ADGRL2: variants seen among roughly 807,000 people sequenced by gnomAD.
ADGRL2 encodes adhesion G protein-coupled receptor L2.
In ADGRL2, 44 loss-of-function variants were observed where a neutral mutation model predicts 157.4. That is an observed-to-expected ratio of 0.28 (90% CI 0.22 to 0.36). The LOEUF (loss-of-function observed/expected upper bound fraction) is 0.36. Ranked by LOEUF, ADGRL2 falls within the 10% of genes least tolerant of loss-of-function variation. ADGRL2 has a pLI of 1.00. For synonymous variants in ADGRL2, 585 were observed against 624.7 expected (o/e 0.94, Z 0.95); for missense variants, 1,510 against 1,768.9 (o/e 0.85, Z 2.63).
rs377751876 is a variant in ADGRL2, at chr1:81,633,148, A to G, written c.-143+52168A>G. Among the ~76,000 whole-genome samples the G allele has an allele frequency of 2.0e-5, 3 of 152,176 alleles. No individual in the cohort carries two copies. The East Asian group carries it at 5.8e-4, about 29-fold the overall frequency. ...ATACAGAGAGAAACCGTGAGCTTTT[A>G]TATGGGCTGCATCTTTGTAAAATTC... On this transcript the variant is annotated intron_variant, in intron 3 of 24. Coordinates refer to the ADGRL2 transcript ENST00000370721.
intron 1 of ADGRL2, among the ~76,000 whole-genome samples, chr1:81,405,126 T>C (rs934137308): frequency 3.9e-5 from 6 of 152,194 alleles, no homozygotes; most frequent in Admixed American, 1.3e-4. Flanking sequence ...ATGACGGTGC[T>C]GTAATAGGCC....
intron 3 of ADGRL2, among the ~76,000 whole-genome samples, chr1:81,624,612 G>A (rs2081871118): frequency 6.6e-6 from 1 of 151,820 alleles, no homozygotes. Flanking sequence ...AAAACAAATA[G>A]AAGTATGAGA....
intron 3 of ADGRL2, among the ~76,000 whole-genome samples, chr1:81,921,484 T>G (rs532741930): frequency 2.0e-5 from 3 of 152,334 alleles, no homozygotes; most frequent in Admixed American, 6.5e-5. Flanking sequence ...TTATTTAATG[T>G]GCTTACTCTG....
chr1:81,936,504 T>A (rs1362240523), intron 3 of ADGRL2, among the ~76,000 whole-genome samples: 4 of 151,914 alleles, frequency 2.6e-5, no homozygotes, highest in African/African-American at 4.8e-5. Context: ...ATTTTTTTAC[T>A]TCTAGTTAAA....
chr1:81,645,570 G>A (rs138866482), intron 3 of ADGRL2, among the ~76,000 whole-genome samples: 300 of 152,070 alleles, frequency 2.0e-3, no homozygotes, highest in African/African-American at 7.0e-3. Flanking sequence ...GCATGTCCAT[G>A]CATATATGAA....
chr1:81,932,073 T>A (rs1211323097), intron 3 of ADGRL2, among the ~76,000 whole-genome samples: 1 of 152,204 alleles, frequency 6.6e-6, no homozygotes, highest in Non-Finnish European at 1.5e-5. Flanking sequence ...TTTGAATAAG[T>A]AAGTCAAAGA....
intron 3 of ADGRL2, among the ~76,000 whole-genome samples, chr1:81,628,033 G>T (rs1448668081): frequency 1.3e-5 from 2 of 152,132 alleles, no homozygotes; most frequent in East Asian, 3.9e-4. Context: ...ATTTTTTGGA[G>T]CTGCTCTTTC....
At chr1:81,412,049 A>G (rs1244810127) in intron 1 of ADGRL2, among the ~76,000 whole-genome samples, 1 of 152,156 alleles carries the variant, frequency 6.6e-6, no homozygotes, top group Non-Finnish European at 1.5e-5. Context: ...GTATTGAGAA[A>G]TTATTTCTAC....
chr1:81,417,518 C>T (rs577882915), intron 1 of ADGRL2, among the ~76,000 whole-genome samples: 2 of 152,200 alleles, frequency 1.3e-5, no homozygotes, highest in African/African-American at 4.8e-5. Flanking sequence ...TTTACTTCTA[C>T]CTTTTTGGAA....
At chr1:81,419,582 C>T (rs1232558350) in intron 1 of ADGRL2, among the ~76,000 whole-genome samples, 1 of 152,142 alleles carries the variant, frequency 6.6e-6, no homozygotes, top group African/African-American at 2.4e-5. Flanking sequence ...TGCCAAATGA[C>T]AAATCCAAAA....
At chr1:81,954,620 G>C (rs890198922) in intron 10 of ADGRL2, among the ~76,000 whole-genome samples, 5 of 152,182 alleles carry the variant, frequency 3.3e-5, no homozygotes, top group Admixed American at 6.5e-5. Context: ...TTCCACTCTA[G>C]TTAATGGCTG....
chr1:81,631,817 C>A (rs1315511252), intron 3 of ADGRL2, among the ~76,000 whole-genome samples: 3 of 151,948 alleles, frequency 2.0e-5, no homozygotes, highest in Admixed American at 6.6e-5. Context: ...CTGCCTGGAC[C>A]CCCACCAAAT....
intron 3 of ADGRL2, among the ~76,000 whole-genome samples, chr1:81,925,518 GT>G (rs2095083386): frequency 6.7e-6 from 1 of 149,500 alleles, no homozygotes; most frequent in East Asian, 2.0e-4. Flanking sequence ...TCCATAATTC[GT>G]TTTGTGTAAT....
At chr1:81,438,570 T>C (rs1320248505) in intron 1 of ADGRL2, among the ~76,000 whole-genome samples, 2 of 152,172 alleles carry the variant, frequency 1.3e-5, no homozygotes, top group Non-Finnish European at 2.9e-5. Flanking sequence ...ATACTAAATA[T>C]AGTATTTAAA....
chr1:81,804,747 A>C (rs779792931), intron 1 of ADGRL2, among the ~76,000 whole-genome samples: 1 of 152,210 alleles, frequency 6.6e-6, no homozygotes, highest in Non-Finnish European at 1.5e-5. Context: ...GAGAGTGAGA[A>C]AGCCTTTCCT....
At chr1:81,938,731 T>C (rs1197457469) in intron 4 of ADGRL2, among the ~76,000 whole-genome samples, 1 of 151,626 alleles carries the variant, frequency 6.6e-6, no homozygotes, top group Non-Finnish European at 1.5e-5. Flanking sequence ...AGTGACACTC[T>C]ATAAATTGCA....
chr1:81,792,635 A>T (rs1294656151), intron 2 of ADGRL2, among the ~76,000 whole-genome samples: 1 of 152,184 alleles, frequency 6.6e-6, no homozygotes, highest in Non-Finnish European at 1.5e-5. Context: ...TATGAGAGAT[A>T]AACTTTTAAT....
intron 23 of ADGRL2, among the ~76,000 whole-genome samples, chr1:81,989,053 T>C (rs1664008182): frequency 6.6e-6 from 1 of 152,100 alleles, no homozygotes; most frequent in Admixed American, 6.6e-5. Flanking sequence ...CATTTAATTT[T>C]CTCTTGACTT....
Position 81,969,362 on chromosome 1 carries a change from T to C in ADGRL2, c.2708T>C (p.Ile903Thr). The C allele has an allele frequency of 6.2e-7, 1 of 1,613,680 alleles. No individual in the cohort carries two copies. The highest frequency in any genetic ancestry group is 8.5e-7 in the Non-Finnish European group (1 of 1,179,664). ...TTCATTGCTGAATTTATTTTCCTAA[T>C]AGGCATTGATAAGACAAAATATGCG... ...NLFIAEFIFL[I>T]GIDKTKYAIA... Residue 903 changes from isoleucine to threonine, a missense_variant, in exon 15 of 24, where the codon ATA becomes ACA. Physicochemically the swap from Ile to Thr is moderately conservative, Grantham distance 89. Around this residue, in one of 4 missense-constraint regions of ADGRL2, gnomAD observed 497 missense variants for 627.2 expected, o/e 0.79. Transcript: ENST00000686636.
Sources: gnomAD v4.1 joint callset for allele counts (sites outside exome capture counted in the v4.1 genomes callset) on GRCh38, gnomAD v4.1.1 for gene constraint, gnomAD v4.1.1 regional missense constraint, MANE v1.5 for transcripts, NCBI Gene and HGNC (gene_info 2026-07-23, HGNC 2026-07-21) for gene names.